The following CNTN1 variants were observed in gnomAD, a reference collection of about 807,000 sequenced individuals.
CNTN1 encodes the protein contactin-1.
CNTN1 carries 38 observed loss-of-function variants against 126.4 expected under a neutral mutation model. The observed-to-expected ratio is 0.30, with a 90% CI of 0.23 to 0.39. The LOEUF is 0.39. CNTN1 is among the 10% of genes least tolerant of loss of function. CNTN1 has a pLI of 1.00. For missense variants in CNTN1, 1,009 were observed against 1,248.4 expected, an observed-to-expected ratio of 0.81 and a Z score of 2.89; for synonymous variants, 413 against 422.6, an observed-to-expected ratio of 0.98 and a Z score of 0.28.
At chr12:40,977,765 TG>T (rs1165814708) in intron 15 of CNTN1, among the ~76,000 whole-genome samples, 1 of 1,002 alleles carries the variant, frequency 1.0e-3, no homozygotes, top group African/African-American at 1.5e-3. Context: ...AACAATCATC[TG>T]TTTTGTTTTG....
chr12:40,987,685 A>G (rs2120452516), intron 16 of CNTN1, among the ~76,000 whole-genome samples: 1 of 152,340 alleles, frequency 6.6e-6, no homozygotes, highest in African/African-American at 2.4e-5. Context: ...TTCTGCAGTT[A>G]ACATCTTTGC....
At chr12:41,014,102 GTA>G in intron 17 of CNTN1, 124 bp from the exon 18 acceptor site, 1 of 786,172 alleles carries the variant, frequency 1.3e-6, no homozygotes. Context: ...CATTTGTCCA[GTA>G]TGTTTTTCCT....
chr12:40,954,946 G>C (rs1470155892), intron 14 of CNTN1, among the ~76,000 whole-genome samples: 1 of 152,042 alleles, frequency 6.6e-6, no homozygotes, highest in Non-Finnish European at 1.5e-5. Flanking sequence ...AACTAGACAT[G>C]ATTGATGGAC....
chr12:40,754,875 T>G (rs1938538434), intron 1 of CNTN1, among the ~76,000 whole-genome samples: 1 of 152,022 alleles, frequency 6.6e-6, no homozygotes, highest in Non-Finnish European at 1.5e-5. Context: ...TTATAATATG[T>G]CCTCATATTT....
At chr12:40,701,889 G>T (rs907534510) in intron 1 of CNTN1, among the ~76,000 whole-genome samples, 1 of 152,026 alleles carries the variant, frequency 6.6e-6, no homozygotes, top group Admixed American at 6.6e-5. Context: ...GGCCCAATGA[G>T]CTATAACAAA....
chr12:40,963,253 T>C (rs1421348542), intron 15 of CNTN1, among the ~76,000 whole-genome samples: 1 of 152,038 alleles, frequency 6.6e-6, no homozygotes, highest in African/African-American at 2.4e-5. Context: ...CTACCAAAAA[T>C]ACAAAAATAA....
intron 15 of CNTN1, among the ~76,000 whole-genome samples, chr12:40,974,665 T>C (rs886988944): frequency 2.0e-5 from 3 of 152,110 alleles, no homozygotes; most frequent in South Asian, 2.1e-4. Context: ...CATGACAAAT[T>C]GATTAGGCTC....
intron 1 of CNTN1, among the ~76,000 whole-genome samples, chr12:40,818,396 G>A (rs917312653): frequency 2.0e-5 from 3 of 151,514 alleles, no homozygotes; most frequent in African/African-American, 7.3e-5. Flanking sequence ...ATTCTTGTCC[G>A]CATGTTTTAT....
intron 14 of CNTN1, among the ~76,000 whole-genome samples, chr12:40,954,815 TC>T (rs1222282465): frequency 6.6e-6 from 1 of 152,078 alleles, no homozygotes; most frequent in African/African-American, 2.4e-5. Flanking sequence ...TATTATCTTC[TC>T]CCCGTGCAGT....
intron 17 of CNTN1, among the ~76,000 whole-genome samples, chr12:41,009,042 C>T (rs1397052932): frequency 1.3e-5 from 2 of 152,170 alleles, no homozygotes; most frequent in Non-Finnish European, 2.9e-5. Flanking sequence ...CATATCCTGC[C>T]TTCTGTACTC....
intron 14 of CNTN1, among the ~76,000 whole-genome samples, chr12:40,957,038 A>C (rs957097927): frequency 2.6e-5 from 4 of 152,012 alleles, no homozygotes; most frequent in African/African-American, 9.7e-5. Context: ...AAGTTCCTGG[A>C]AAGTCAGATG....
intron 1 of CNTN1, among the ~76,000 whole-genome samples, chr12:40,758,300 TG>T (rs199631269): frequency 1.5e-4 from 23 of 151,398 alleles, no homozygotes; most frequent in Admixed American, 2.0e-4. Context: ...CAAAACAAAG[TG>T]TTTTTTTTTT....
At chr12:40,820,909 T>A (rs73116786) in intron 1 of CNTN1, among the ~76,000 whole-genome samples, 3,418 of 152,340 alleles carry the variant, frequency 0.022, 124 homozygotes, top group African/African-American at 0.078. Flanking sequence ...GCATAGATTC[T>A]TTTGAACCTT....
intron 1 of CNTN1, among the ~76,000 whole-genome samples, chr12:40,698,766 C>T (rs1054762314): frequency 6.6e-6 from 1 of 152,020 alleles, no homozygotes; most frequent in Non-Finnish European, 1.5e-5. Context: ...TGTCTGAAGT[C>T]TTTTGCATTG....
intron 23 of CNTN1, among the ~76,000 whole-genome samples, chr12:41,040,507 T>C (rs375432086): frequency 5.3e-5 from 8 of 152,232 alleles, no homozygotes; most frequent in African/African-American, 1.4e-4. Flanking sequence ...CTTTGGGCAG[T>C]ATGGCCATTT....
chr12:40,720,301 C>A (rs1358612197), intron 1 of CNTN1, among the ~76,000 whole-genome samples: 1 of 151,918 alleles, frequency 6.6e-6, no homozygotes, highest in East Asian at 1.9e-4. Flanking sequence ...TTGGTCTCTT[C>A]GGTTCTAGTT....
At chr12:40,706,465 C>A (rs369962701) in intron 1 of CNTN1, among the ~76,000 whole-genome samples, 1 of 152,052 alleles carries the variant, frequency 6.6e-6, no homozygotes, top group African/African-American at 2.4e-5. Context: ...GCCTCTTTAA[C>A]ACTTCATTAT....
intron 1 of CNTN1, among the ~76,000 whole-genome samples, chr12:40,903,388 C>CT (rs112301816): frequency 0.31 from 40,684 of 130,730 alleles, 6,475 homozygotes; most frequent in South Asian, 0.37. Flanking sequence ...GTCAGAGTTG[C>CT]TTTTTTTTTT....
chr12:40,725,055 C>T (rs1942313473), intron 1 of CNTN1, among the ~76,000 whole-genome samples: 1 of 152,212 alleles, frequency 6.6e-6, no homozygotes, highest in Admixed American at 6.5e-5. Context: ...AAATTTGCTT[C>T]TTCCTAAGTC....
Sources: gnomAD v4.1 joint callset for allele counts (sites outside exome capture counted in the v4.1 genomes callset) on GRCh38, gnomAD v4.1.1 for gene constraint, MANE v1.5 for transcripts, NCBI Gene and HGNC (gene_info 2026-07-23, HGNC 2026-07-21) for gene names.